The following TTC34 variants were observed in gnomAD, a reference collection of about 807,000 sequenced individuals.
The protein encoded by TTC34 is tetratricopeptide repeat protein 34.
In TTC34, 44 loss-of-function variants were observed where a neutral mutation model predicts 40.7. The observed-to-expected ratio is 1.08, with a 90% confidence interval of 0.85 to 1.39. The LOEUF (loss-of-function observed/expected upper bound fraction) is 1.39, where lower values mean the gene tolerates loss of function less well. TTC34 is among the 40% of genes most tolerant of loss of function. The pLI is 0.00. For synonymous variants in TTC34, 422 were observed against 398.6 expected (o/e 1.06, Z -0.70); for missense variants, 884 against 838.0 (o/e 1.05, Z -0.68).
At chr1:2,750,921 C>T (rs1292298406) in intron 6 of TTC34, among the ~76,000 whole-genome samples, 789 of 111,730 alleles carry the variant, frequency 7.1e-3, no homozygotes, top group Admixed American at 0.014. Flanking sequence ...GGAGCAGCAC[C>T]CACACCTTCA....
At chr1:2,694,729 C>T (rs745726230) in intron 6 of TTC34, among the ~76,000 whole-genome samples, 2 of 51,924 alleles carry the variant, frequency 3.9e-5, no homozygotes. Flanking sequence ...GAGCATCTGA[C>T]ATCGTGGAGC....
intron 6 of TTC34, among the ~76,000 whole-genome samples, chr1:2,759,758 A>AG (rs1641632833): frequency 8.4e-6 from 1 of 119,662 alleles, no homozygotes; most frequent in Non-Finnish European, 1.6e-5. Context: ...AGCACCCCAC[A>AG]CCCACAGGTG....
At chr1:2,684,501 G>A (rs2100330523) in intron 6 of TTC34, among the ~76,000 whole-genome samples, 1 of 148,976 alleles carries the variant, frequency 6.7e-6, no homozygotes, top group Middle Eastern at 3.5e-3. Flanking sequence ...CTGATGGCCT[G>A]GAACGGCACC....
At chr1:2,758,267 A>AAC (rs1641572066) in intron 6 of TTC34, among the ~76,000 whole-genome samples, 1 of 129,400 alleles carries the variant, frequency 7.7e-6, no homozygotes, top group African/African-American at 3.0e-5. Context: ...CTGGAACAGC[A>AAC]CACACACCCC....
chr1:2,751,216 G>A (rs1641308098), intron 6 of TTC34, among the ~76,000 whole-genome samples: 1 of 115,558 alleles, frequency 8.7e-6, no homozygotes, highest in South Asian at 3.1e-4. Context: ...ACCCTCAGGT[G>A]AGCATCTGAC....
intron 6 of TTC34, among the ~76,000 whole-genome samples, chr1:2,685,104 G>C (rs1361456882): frequency 1.4e-5 from 2 of 139,380 alleles, no homozygotes; most frequent in Non-Finnish European, 1.5e-5. Context: ...TGACAGCTTG[G>C]ATCAGCACCC....
chr1:2,688,035 C>G (rs1200893106), intron 6 of TTC34, among the ~76,000 whole-genome samples: 4 of 139,076 alleles, frequency 2.9e-5, no homozygotes, highest in African/African-American at 8.7e-5. Context: ...CTGCATGTAA[C>G]AGCACCCACA....
intron 6 of TTC34, 53 bp downstream of exon 6, chr1:2,783,556 C>T (rs989456528): frequency 1.2e-4 from 159 of 1,316,210 alleles, no homozygotes; most frequent in Non-Finnish European, 1.5e-4. Flanking sequence ...AAGGCAGCTC[C>T]CTGGGTCCCC....
chr1:2,768,381 A>C (rs1334765083), intron 6 of TTC34, among the ~76,000 whole-genome samples: 16 of 151,936 alleles, frequency 1.1e-4, no homozygotes, highest in Admixed American at 6.5e-5. Flanking sequence ...GCCCACCACA[A>C]GGTGAGCATA....
Position 2,645,200 on chromosome 1 carries a change from T to G in TTC34, c.2497+93A>C. Reference sequence around the variant, plus strand: ...TGGAAGCTGTTGTGGTCCGGGTCTCTTTCTTCCATTTTTACAGAACAGGAT... The same window carrying G: ...TGGAAGCTGTTGTGGTCCGGGTCTCGTTCTTCCATTTTTACAGAACAGGAT... On this transcript the variant is annotated intron_variant, in intron 7 of 8. Coordinates refer to ENST00000401095, the Ensembl canonical transcript of TTC34. The surrounding 1 kb of genome is among the most constrained non-coding windows in gnomAD (Gnocchi z 4.7). 1 of 1,345,782 alleles carries G rather than the reference T, an allele frequency of 7.4e-7. No homozygotes were observed. The highest frequency in any genetic ancestry group is 9.6e-7 in the Non-Finnish European group (1 of 1,043,960). The allele number at this position is 1,345,782 out of a possible 1,614,324, so 83.4% of individuals were successfully genotyped here. A position where few individuals can be genotyped will look rare whatever the true frequency, so the allele number is the denominator to read the frequency against.
At chr1:2,666,295 AG>A (rs1639653564) in intron 6 of TTC34, among the ~76,000 whole-genome samples, 1 of 45,964 alleles carries the variant, frequency 2.2e-5, no homozygotes, top group African/African-American at 7.7e-5. Flanking sequence ...CCACACCCCA[AG>A]GCGAGCATCT....
intron 6 of TTC34, among the ~76,000 whole-genome samples, chr1:2,677,927 CT>C (rs1461440422): frequency 5.6e-4 from 14 of 24,798 alleles, no homozygotes; most frequent in East Asian, 5.2e-3. Flanking sequence ...GAGCAGCACC[CT>C]GCACCCCCAG....
rs997855562 is a variant in TTC34 at position 2,641,949 on chromosome 1, C to T, written c.2713-54G>A. On this transcript the variant is annotated intron_variant, in intron 8 of 8. Transcript: ENST00000401095. ...GAGAGTGGGGTCAGCCCCAAAAGCC[C>T]GGCCGCCCCTGCCCTGCAGAGGTCC... 1.9e-5 allele frequency: 27 copies of T among 1,430,142 alleles called. No homozygotes were observed. The South Asian group carries it at 1.9e-4, about 10-fold the overall frequency. 88.6% of individuals were successfully genotyped at this position (1,430,142 alleles called of 1,614,324 possible).
rs926716465 is a variant in TTC34 at position 2,685,133 on chromosome 1, C to T, written c.2227-39570G>A. ...AGCACCCACACCCCCAGGCGAGCAT[C>T]GGACGGCCTGGAACAGCACCCACAA... On this transcript the variant is annotated intron_variant, in intron 6 of 8. Transcript: ENST00000401095. Among the ~76,000 whole-genome samples, 17 of 144,254 alleles carry T rather than the reference C, an allele frequency of 1.2e-4. 1 individual carries two copies. Among genetic ancestry groups the T allele is most frequent in the Non-Finnish European group, 2.4e-4 (16 of 67,094 alleles). The allele number at this position is 144,254 out of a possible 152,430, so 94.6% of individuals were successfully genotyped here. A position where few individuals can be genotyped will look rare whatever the true frequency, so the allele number is the denominator to read the frequency against.
chr1:2,699,000 G>GCA (rs1325418862), intron 6 of TTC34, among the ~76,000 whole-genome samples: 12 of 84,206 alleles, frequency 1.4e-4, no homozygotes, highest in South Asian at 3.4e-4. Context: ...AGCCTGGAAA[G>GCA]GCACCCACAC....
chr1:2,681,930 G>T (rs1228987556), intron 6 of TTC34, among the ~76,000 whole-genome samples: 3 of 117,498 alleles, frequency 2.6e-5, no homozygotes, highest in Non-Finnish European at 3.7e-5. Context: ...GTGACAGCCT[G>T]GAACAGCACC....
intron 2 of TTC34, among the ~76,000 whole-genome samples, chr1:2,799,265 G>A (rs548120816): frequency 1.4e-4 from 22 of 152,304 alleles, no homozygotes; most frequent in African/African-American, 4.6e-4. Flanking sequence ...ATCAGGCGCC[G>A]GGCGCGGTGG....
At chr1:2,638,321 T>A (rs1424601901) in exon 9 of TTC34, 1 of 152,150 alleles carries the variant, frequency 6.6e-6, no homozygotes, top group Non-Finnish European at 1.5e-5. Flanking sequence ...CTGGACCGGC[T>A]TGGCTTTATT....
At chr1:2,753,654 A>C in intron 6 of TTC34, among the ~76,000 whole-genome samples, 1 of 96,678 alleles carries the variant, frequency 1.0e-5, no homozygotes, top group African/African-American at 6.4e-5. Context: ...AGCAGCACCC[A>C]CACCCCAGGT....
Sources: allele counts gnomAD v4.1 joint callset (sites outside exome capture counted in the v4.1 genomes callset), GRCh38; gene constraint gnomAD v4.1.1; non-coding constraint Gnocchi (gnomAD v3.1); transcripts MANE v1.5; gene names NCBI Gene and HGNC (gene_info 2026-07-23, HGNC 2026-07-21).